The following OCIAD1 variants were observed in gnomAD, a reference collection of about 807,000 sequenced individuals.
OCIAD1 encodes OCIA domain containing 1, also known as OCIA domain-containing protein 1.
OCIAD1 carries 29 observed loss-of-function variants against 38.9 expected under a neutral mutation model. The observed-to-expected ratio is 0.74, with a 90% CI of 0.55 to 1.02. The LOEUF (loss-of-function observed/expected upper bound fraction) is 1.02. Ranked by LOEUF, OCIAD1 falls within the 50% of genes least tolerant of loss-of-function variation. The pLI is 0.00. For synonymous variants in OCIAD1, 110 were observed against 92.0 expected, an observed-to-expected ratio of 1.20 and a Z score of -1.12; for missense variants, 288 against 289.6, an observed-to-expected ratio of 0.99 and a Z score of 0.04.
At chr4:48,832,852 T>TA (rs1777641027) in intron 2 of OCIAD1, 170 bp downstream of exon 2, 3 of 618,046 alleles carry the variant, frequency 4.9e-6, no homozygotes. Context: ...ATCATTTGGA[T>TA]AAGGAGTCCC....
At chr4:48,858,499 G>C (rs1780302621) in intron 8 of OCIAD1, among the ~76,000 whole-genome samples, 1 of 152,090 alleles carries the variant, frequency 6.6e-6, no homozygotes, top group South Asian at 2.1e-4. Context: ...TGTCACCCAG[G>C]CTGGAGTGCA....
intron 3 of OCIAD1, chr4:48,837,293 T>C (rs1778088895): frequency 1.3e-5 from 2 of 150,170 alleles, no homozygotes; most frequent in Non-Finnish European, 2.9e-5. Flanking sequence ...TTTTCTTTTT[T>C]CGGTGTTCTT....
At chr4:48,856,163 T>G (rs1220450256) in intron 7 of OCIAD1, 1 of 152,098 alleles carries the variant, frequency 6.6e-6, no homozygotes, top group Non-Finnish European at 1.5e-5. Context: ...TCAACCAATA[T>G]TAGGAGTAAC....
intron 3 of OCIAD1, among the ~76,000 whole-genome samples, chr4:48,838,867 T>C (rs1778262034): frequency 6.6e-6 from 1 of 152,206 alleles, no homozygotes. Context: ...TACATTCCAT[T>C]AATCTGAAAT....
At chr4:48,860,590 A>T in intron 8 of OCIAD1, 135 bp from the exon 9 acceptor site, 1 of 715,954 alleles carries the variant, frequency 1.4e-6, no homozygotes. Context: ...CCCTTTTTGT[A>T]ATTATAATTT....
At chr4:48,810,615 T>C (rs1777078481) in intron 1 of OCIAD1, among the ~76,000 whole-genome samples, 1 of 152,114 alleles carries the variant, frequency 6.6e-6, no homozygotes, top group Non-Finnish European at 1.5e-5. Context: ...ATTTATTTAG[T>C]CTTTTAGGAA....
In OCIAD1 at chr4:48,854,181, T is replaced by C. The variant is rs1368273824; in HGVS notation, c.547+2206T>C. The stretch of plus-strand genomic sequence containing the variant: ...AAGTTCGAAGACCCCTGTGGATGCC[T>C]GAAACCTCAGATATTACCAAATCCT... On this transcript the variant is annotated intron_variant, in intron 7 of 8. Coordinates refer to ENST00000264312, the MANE Select transcript of OCIAD1 (RefSeq NM_017830.4). Among the ~76,000 whole-genome samples, 12 of 152,154 alleles carry C rather than the reference T, an allele frequency of 7.9e-5. No homozygotes were observed. In the South Asian group the frequency reaches 1.9e-3, roughly 24 times the overall value.
chr4:48,836,372 A>G (rs1286643708), intron 3 of OCIAD1, among the ~76,000 whole-genome samples: 1 of 152,194 alleles, frequency 6.6e-6, no homozygotes, highest in Non-Finnish European at 1.5e-5. Flanking sequence ...AGACTCAATG[A>G]TACCTCTGAA....
chr4:48,852,975 C>T (rs868866807), intron 7 of OCIAD1, among the ~76,000 whole-genome samples: 2 of 149,552 alleles, frequency 1.3e-5, no homozygotes, highest in Non-Finnish European at 3.0e-5. Flanking sequence ...TCCGCCCCCC[C>T]AGCTTCACGC....
chr4:48,829,718 C>G (rs2109502325), upstream of OCIAD1, among the ~76,000 whole-genome samples: 1 of 152,196 alleles, frequency 6.6e-6, no homozygotes, highest in African/African-American at 2.4e-5. Flanking sequence ...TTGCACAAGC[C>G]CTGGGCCCAG....
At chr4:48,806,138 G>A (rs1049035428) in intron 1 of OCIAD1, among the ~76,000 whole-genome samples, 1 of 152,050 alleles carries the variant, frequency 6.6e-6, no homozygotes, top group African/African-American at 2.4e-5. Flanking sequence ...ACGGTGGCAG[G>A]CGCCTGTAGT....
At chr4:48,831,645 C>T in intron 1 of OCIAD1, 2 of 915,086 alleles carry the variant, frequency 2.2e-6, no homozygotes, top group South Asian at 1.4e-5. Context: ...CCTGGTGTTT[C>T]TAGGAAGGAT....
At chr4:48,826,997 A>G (rs1446660834), upstream of OCIAD1, among the ~76,000 whole-genome samples, 3 of 152,204 alleles carry the variant, frequency 2.0e-5, no homozygotes, top group East Asian at 5.8e-4. Flanking sequence ...CTTCCTTCTT[A>G]GAAGATTCTT....
chr4:48,832,542 C>A, intron 1 of OCIAD1, 78 bp from the exon 2 acceptor site: 1 of 1,042,398 alleles, frequency 9.6e-7, no homozygotes, highest in Non-Finnish European at 1.5e-6. Flanking sequence ...AGTAGTTTTA[C>A]TATATCATAC....
At chr4:48,835,422 G>A (rs1163287754) in intron 3 of OCIAD1, among the ~76,000 whole-genome samples, 1 of 151,968 alleles carries the variant, frequency 6.6e-6, no homozygotes. Flanking sequence ...ATTTCAATTT[G>A]GTAAAAACTG....
At chr4:48,833,079 C>T (rs111862759) in intron 2 of OCIAD1, among the ~76,000 whole-genome samples, 23 of 151,966 alleles carry the variant, frequency 1.5e-4, no homozygotes, top group Admixed American at 3.9e-4. Flanking sequence ...GGTGAAACCC[C>T]GTATCTACTA....
At chr4:48,841,682 A>G (rs890209770) in intron 3 of OCIAD1, among the ~76,000 whole-genome samples, 1 of 152,202 alleles carries the variant, frequency 6.6e-6, no homozygotes, top group African/African-American at 2.4e-5. Flanking sequence ...TTACCAGTCA[A>G]GTACCAAGAC....
chr4:48,846,356 A>G (rs1464779566), intron 4 of OCIAD1, among the ~76,000 whole-genome samples: 3 of 152,224 alleles, frequency 2.0e-5, no homozygotes, highest in South Asian at 4.1e-4. Flanking sequence ...TTCTTTCAAC[A>G]TGGTGAGATT....
intron 1 of OCIAD1, among the ~76,000 whole-genome samples, chr4:48,824,172 G>T (rs896967401): frequency 1.1e-4 from 17 of 151,890 alleles, no homozygotes; most frequent in South Asian, 2.1e-4. Context: ...GTAGAGATGG[G>T]TTTTTGCCGT....
Sources: gnomAD v4.1 joint callset for allele counts (sites outside exome capture counted in the v4.1 genomes callset) on GRCh38, gnomAD v4.1.1 for gene constraint, MANE v1.5 for transcripts, NCBI Gene and HGNC (gene_info 2026-07-23, HGNC 2026-07-21) for gene names.